Variants in ADAMTS16 observed in about 807,000 individuals in gnomAD.
The protein encoded by ADAMTS16 is A disintegrin and metalloproteinase with thrombospondin motifs 16.
In ADAMTS16, 94 loss-of-function variants were observed where a neutral mutation model predicts 145.8. The observed-to-expected ratio is 0.64, with a 90% CI of 0.55 to 0.77. The LOEUF (loss-of-function observed/expected upper bound fraction) is 0.77, where lower values mean the gene tolerates loss of function less well. ADAMTS16 is among the 30% of genes least tolerant of loss of function. The pLI, the probability that ADAMTS16 is intolerant of heterozygous loss-of-function variation, is 0.00. For synonymous variants in ADAMTS16, 659 were observed against 604.3 expected (o/e 1.09, Z -1.33); for missense variants, 1,585 against 1,591.5 (o/e 1.00, Z 0.07).
At chr5:5,160,460 A>G (rs1462008688) in intron 3 of ADAMTS16, among the ~76,000 whole-genome samples, 1 of 152,126 alleles carries the variant, frequency 6.6e-6, no homozygotes. Flanking sequence ...TGATTACCCC[A>G]TGAAAAGTTA....
chr5:5,304,222 T>C lies in ADAMTS16; in HGVS notation c.3186+456T>C, dbSNP rs570589970. On this transcript the variant is annotated intron_variant, in intron 20 of 22. Coordinates refer to ENST00000274181, the MANE Select transcript of ADAMTS16 (RefSeq NM_139056.4). ...CAAGTTTCCGGGGGCAGCTGTTCTA[T>C]TTGCGAAAGGAAACTCTCCTGTTAG... Among the ~76,000 whole-genome samples the C allele has an allele frequency of 4.6e-5, 7 of 152,250 alleles. No individual in the cohort carries two copies. In the East Asian group the frequency reaches 1.4e-3, roughly 29 times the overall value.
At chr5:5,312,606 C>G (rs533913346) in intron 21 of ADAMTS16, among the ~76,000 whole-genome samples, 2 of 152,116 alleles carry the variant, frequency 1.3e-5, no homozygotes, top group Non-Finnish European at 1.5e-5. Flanking sequence ...CTCCACCACT[C>G]CCAGCTAATT....
At chr5:5,230,456 G>A (rs534157114) in intron 11 of ADAMTS16, among the ~76,000 whole-genome samples, 2 of 152,264 alleles carry the variant, frequency 1.3e-5, no homozygotes, top group South Asian at 4.1e-4. Flanking sequence ...TTAATTTGGA[G>A]AACCCTTAGT....
At chr5:5,181,720 C>T (rs746996770) in intron 3 of ADAMTS16, among the ~76,000 whole-genome samples, 55 of 152,220 alleles carry the variant, frequency 3.6e-4, no homozygotes, top group Non-Finnish European at 5.3e-4. Flanking sequence ...TTTCTTGCAC[C>T]GTCATTACTT....
In ADAMTS16 at chr5:5,239,718, G is replaced by A; in HGVS notation, c.2316G>A (p.Arg772=). 1.9e-6 allele frequency: 3 copies of A among 1,614,120 alleles called. No homozygotes were observed. Among genetic ancestry groups the A allele is most frequent in the Non-Finnish European group, 2.5e-6 (3 of 1,180,020 alleles). ...TGGTCACCATTCCTTCTGGAGCCCGGAGTATCCGCATCTATGAAATGAACG... is the reference window on the plus strand; with the variant it reads ...TGGTCACCATTCCTTCTGGAGCCCGAAGTATCCGCATCTATGAAATGAACG... ...YHMVTIPSGA[R]SIRIYEMNVS... is the part of the protein sequence containing the mutation. The change falls in exon 16 of 23, where the codon CGG becomes CGA. Residue 772 remains arginine, a synonymous_variant. Coordinates refer to ENST00000274181, the MANE Select transcript of ADAMTS16 (RefSeq NM_139056.4).
intron 18 of ADAMTS16, among the ~76,000 whole-genome samples, chr5:5,284,401 A>G (rs900235657): frequency 6.6e-6 from 1 of 152,134 alleles, no homozygotes; most frequent in African/African-American, 2.4e-5. Context: ...ATGCATGTAA[A>G]TTCTGTTTTA....
Position 5,269,553 on chromosome 5 carries a change from C to G in ADAMTS16, c.2789+6770C>G, listed in dbSNP as rs80187424. Among the ~76,000 whole-genome samples the G allele has an allele frequency of 6.6e-6, 1 of 152,140 alleles. No homozygotes were observed. The highest frequency in any genetic ancestry group is 1.9e-4 in the East Asian group (1 of 5,178). On this transcript the variant is annotated intron_variant, in intron 18 of 22. Coordinates refer to ENST00000274181, the MANE Select transcript of ADAMTS16 (RefSeq NM_139056.4). The surrounding 1 kb of genome is among the most constrained non-coding windows in gnomAD (Gnocchi z 4.3). Reference sequence around the variant, plus strand: ...TAAAGAGAAGGAAGCAATGACCAGCCCTTCCTCTTGCCAGAATCTCCCTGT... The same window carrying G: ...TAAAGAGAAGGAAGCAATGACCAGCGCTTCCTCTTGCCAGAATCTCCCTGT...
At chr5:5,198,480 A>G (rs1180564683) in intron 8 of ADAMTS16, among the ~76,000 whole-genome samples, 1 of 152,160 alleles carries the variant, frequency 6.6e-6, no homozygotes, top group Non-Finnish European at 1.5e-5. Context: ...AGGTTACACT[A>G]TTACATGAAT....
chr5:5,235,216 C>A, intron 13 of ADAMTS16, 30 bp downstream of exon 13: 1 of 1,521,250 alleles, frequency 6.6e-7, no homozygotes. Context: ...CGGGTAATAG[C>A]CTCATGCTTT....
chr5:5,242,084 C>T lies in ADAMTS16; in HGVS notation c.2555C>T (p.Ala852Val). ...TTTCAGGGAAGGAACCCGGGTGTTG[C>T]CTGGGAATACTCCATGCCTCGCTTG... ...LLFQGRNPGV[A>V]WEYSMPRLGT... Residue 852 changes from alanine (A) to valine (V), a missense_variant, in exon 17 of 23, where the codon GCC (alanine) becomes GTC (valine). Physicochemically the swap from Ala to Val is moderately conservative, Grantham distance 64. Around this residue, in one of 3 missense-constraint regions of ADAMTS16, gnomAD observed 834 missense variants for 811.7 expected, o/e 1.03. Transcript: ENST00000274181. 6.2e-7 allele frequency: 1 copy of T among 1,614,128 alleles called. No individual in the cohort carries two copies. Among genetic ancestry groups the T allele is most frequent in the South Asian group, 1.1e-5 (1 of 91,078 alleles).
intron 12 of ADAMTS16, among the ~76,000 whole-genome samples, chr5:5,233,633 T>C (rs1427718909): frequency 6.6e-6 from 1 of 152,146 alleles, no homozygotes; most frequent in Non-Finnish European, 1.5e-5. Context: ...AGGATAAAGG[T>C]CTCCAGGCTC....
chr5:5,261,133 A>C (rs938776004), intron 17 of ADAMTS16, among the ~76,000 whole-genome samples: 14 of 152,272 alleles, frequency 9.2e-5, no homozygotes, highest in African/African-American at 3.4e-4. Flanking sequence ...TATTTATTTT[A>C]TCCCCTACTG....
chr5:5,243,360 G>T (rs1417708092), intron 17 of ADAMTS16, among the ~76,000 whole-genome samples: 2 of 152,224 alleles, frequency 1.3e-5, no homozygotes, highest in African/African-American at 4.8e-5. Flanking sequence ...AGAGAAATAT[G>T]AAGGAAATCT....
chr5:5,199,988 G>A (rs1231581356), intron 8 of ADAMTS16, 144 bp from the exon 9 acceptor site: 1 of 945,918 alleles, frequency 1.1e-6, no homozygotes, highest in Non-Finnish European at 1.5e-6. Flanking sequence ...TAACCAATTG[G>A]CAGTTGTGAC....
intron 9 of ADAMTS16, 58 bp downstream of exon 9, chr5:5,200,327 G>A (rs940482258): frequency 1.9e-6 from 3 of 1,599,742 alleles, no homozygotes; most frequent in Non-Finnish European, 2.6e-6. Flanking sequence ...CTCACTGCCT[G>A]GTCAGCCAGA....
intron 18 of ADAMTS16, among the ~76,000 whole-genome samples, chr5:5,293,418 C>A (rs1290887944): frequency 1.3e-5 from 2 of 152,170 alleles, no homozygotes; most frequent in Non-Finnish European, 2.9e-5. Flanking sequence ...GATCCGCAAA[C>A]CAGTCTCTCT....
chr5:5,308,020 C>G (rs1177885136), intron 21 of ADAMTS16, among the ~76,000 whole-genome samples: 1 of 152,198 alleles, frequency 6.6e-6, no homozygotes, highest in Admixed American at 6.5e-5. Context: ...TGACAATGAC[C>G]TCATGCATGT....
chr5:5,156,853 T>C (rs1734616631), intron 3 of ADAMTS16, among the ~76,000 whole-genome samples: 1 of 152,146 alleles, frequency 6.6e-6, no homozygotes, highest in Non-Finnish European at 1.5e-5. Flanking sequence ...CAAAGGGAAT[T>C]TACACACTCA....
chr5:5,146,703 G>T (rs1223778588), intron 3 of ADAMTS16, among the ~76,000 whole-genome samples: 1 of 152,186 alleles, frequency 6.6e-6, no homozygotes, highest in Non-Finnish European at 1.5e-5. Context: ...GAGCACTTCA[G>T]CTTGAAACTT....
Sources: gnomAD v4.1 joint callset for allele counts (sites outside exome capture counted in the v4.1 genomes callset) on GRCh38, gnomAD v4.1.1 for gene constraint, gnomAD v4.1.1 regional missense constraint, Gnocchi (gnomAD v3.1) non-coding constraint, MANE v1.5 for transcripts, NCBI Gene and HGNC (gene_info 2026-07-23, HGNC 2026-07-21) for gene names.